NCOA1: variants seen among roughly 807,000 people sequenced by gnomAD.
NCOA1 encodes nuclear receptor coactivator 1.
NCOA1 carries 35 observed loss-of-function variants against 150.9 expected under a neutral mutation model. The observed-to-expected ratio is 0.23, with a 90% confidence interval of 0.18 to 0.31. NCOA1 has a LOEUF of 0.31. Ranked by LOEUF, NCOA1 falls within the 10% of genes least tolerant of loss-of-function variation. The pLI is 1.00. For synonymous variants in NCOA1, 590 were observed against 630.0 expected (o/e 0.94, Z 0.95); for missense variants, 1,491 against 1,749.3 (o/e 0.85, Z 2.63).
intron 1 of NCOA1, chr2:24,554,509 G>A (rs1665991048): frequency 1.3e-5 from 2 of 152,118 alleles, no homozygotes; most frequent in South Asian, 4.1e-4. Context: ...TAGGAAAGGA[G>A]GAAATTACGA....
chr2:24,700,002 G>T (rs560961463), intron 11 of NCOA1, among the ~76,000 whole-genome samples: 3 of 152,056 alleles, frequency 2.0e-5, no homozygotes, highest in African/African-American at 7.2e-5. Context: ...AAATTAGCGC[G>T]CATGGTGGCG....
intron 1 of NCOA1, among the ~76,000 whole-genome samples, chr2:24,505,508 A>G (rs998019860): frequency 1.3e-5 from 2 of 152,204 alleles, no homozygotes; most frequent in Admixed American, 6.5e-5. Flanking sequence ...TAAATAATGA[A>G]CCATATAAAA....
intron 1 of NCOA1, among the ~76,000 whole-genome samples, chr2:24,509,283 A>C (rs1040824466): frequency 6.6e-6 from 1 of 152,232 alleles, no homozygotes; most frequent in African/African-American, 2.4e-5. Context: ...TTGCTAAGAA[A>C]TAGTGAAACA....
intron 8 of NCOA1, among the ~76,000 whole-genome samples, chr2:24,686,815 A>G (rs947423435): frequency 6.6e-6 from 1 of 152,178 alleles, no homozygotes; most frequent in East Asian, 1.9e-4. Context: ...TGAGGGGCCT[A>G]TAAGTTTGGA....
rs750699123 is a variant in NCOA1 at position 24,707,651 on chromosome 2, A to C, written c.2181A>C (p.Gly727=). The C allele has an allele frequency of 6.2e-7, 1 of 1,614,252 alleles. No individual in the cohort carries two copies. The highest frequency in any genetic ancestry group is 8.5e-7 in the Non-Finnish European group (1 of 1,180,042). The change falls in exon 13 of 23, where the codon GGA becomes GGC. Residue 727 remains glycine, a synonymous_variant. Coordinates refer to ENST00000348332, the MANE Select transcript of NCOA1 (RefSeq NM_003743.5). ...TSVSVTGQVQ[G]NSSIKLELDA... The stretch of plus-strand genomic sequence containing the variant: ...TGTCAGTGACTGGACAGGTACAAGG[A>C]AACTCCAGTATAAAACTAGAACTGG...
chr2:24,669,043 A>G (rs1232786634), intron 6 of NCOA1, among the ~76,000 whole-genome samples: 1 of 152,214 alleles, frequency 6.6e-6, no homozygotes, highest in Non-Finnish European at 1.5e-5. Context: ...CTATACTGAA[A>G]GTAAGAGAGG....
Position 24,505,323 on chromosome 2 carries a change from G to T in NCOA1, c.-396+13721G>T, listed in dbSNP as rs578214909. 7.7e-4 allele frequency among the ~76,000 whole-genome samples: 117 copies of T among 152,038 alleles called. 1 individual carries two copies. Among genetic ancestry groups the T allele is most frequent in the African/African-American group, 2.7e-3 (111 of 41,492 alleles). ...TGCCTCAGCCTCCCAAGTAGTACAG[G>T]CATGTGCCACCATGCCTGGTTCATT... On this transcript the variant is annotated intron_variant, in intron 1 of 22. Coordinates refer to ENST00000348332, the MANE Select transcript of NCOA1 (RefSeq NM_003743.5).
chr2:24,594,420 A>G (rs891340035), intron 3 of NCOA1, among the ~76,000 whole-genome samples: 1 of 152,056 alleles, frequency 6.6e-6, no homozygotes, highest in Non-Finnish European at 1.5e-5. Context: ...ATTTTTCTCA[A>G]ATTCAGGATT....
At chr2:24,557,514 CTCTTCTTCCTCTTCT>C (rs1156469172) in intron 1 of NCOA1, among the ~76,000 whole-genome samples, 2 of 151,718 alleles carry the variant, frequency 1.3e-5, no homozygotes, top group South Asian at 2.1e-4. Flanking sequence ...GCTCCTCCTC[CTCTTCTTCCTCTTCT>C]TCTTCTTCCT....
At chr2:24,550,273 C>T (rs182343519) in intron 1 of NCOA1, among the ~76,000 whole-genome samples, 6 of 152,324 alleles carry the variant, frequency 3.9e-5, no homozygotes, top group Non-Finnish European at 5.9e-5. Flanking sequence ...GCAGCACCCC[C>T]GACTCCCAGA....
In NCOA1 at chr2:24,548,641, G is replaced by A. The variant is rs540020910; in HGVS notation, c.-395-15654G>A. Among the ~76,000 whole-genome samples, 3 of 152,298 alleles carry A rather than the reference G, an allele frequency of 2.0e-5. No homozygotes were observed. In the South Asian group the frequency reaches 6.2e-4, roughly 32 times the overall value. The stretch of plus-strand genomic sequence containing the variant: ...GCAAGTTAGATACTTGGGGGTACAG[G>A]CATTGGGTAAATACAGCCATTCCAA... On this transcript the variant is annotated intron_variant, in intron 1 of 22. Coordinates refer to ENST00000348332, the MANE Select transcript of NCOA1 (RefSeq NM_003743.5).
intron 1 of NCOA1, among the ~76,000 whole-genome samples, chr2:24,508,306 A>G (rs1202505444): frequency 2.0e-5 from 3 of 152,240 alleles, no homozygotes; most frequent in East Asian, 1.9e-4. Context: ...GTGAACCTAT[A>G]GTCTTAAGAA....
At chr2:24,504,581 A>G (rs772590305) in intron 1 of NCOA1, among the ~76,000 whole-genome samples, 1 of 152,210 alleles carries the variant, frequency 6.6e-6, no homozygotes, top group African/African-American at 2.4e-5. Context: ...CCTAAATGGA[A>G]TTTTTATTAT....
intron 3 of NCOA1, among the ~76,000 whole-genome samples, chr2:24,633,184 G>T (rs960568895): frequency 5.3e-5 from 8 of 151,880 alleles, no homozygotes; most frequent in African/African-American, 1.7e-4. Flanking sequence ...CCAGATATGT[G>T]CATGCAGAAA....
At chr2:24,627,856 A>G (rs1388544728) in intron 3 of NCOA1, among the ~76,000 whole-genome samples, 1 of 152,210 alleles carries the variant, frequency 6.6e-6, no homozygotes, top group Non-Finnish European at 1.5e-5. Flanking sequence ...CTTGTGGCAA[A>G]TACAGAGAGA....
At chr2:24,682,080 G>A (rs922833826) in intron 7 of NCOA1, among the ~76,000 whole-genome samples, 9 of 151,996 alleles carry the variant, frequency 5.9e-5, no homozygotes, top group African/African-American at 1.9e-4. Flanking sequence ...TTTTAATTTC[G>A]CCGTAGATAA....
At chr2:24,514,168 G>C (rs111938504) in intron 1 of NCOA1, among the ~76,000 whole-genome samples, 2 of 151,442 alleles carry the variant, frequency 1.3e-5, no homozygotes, top group African/African-American at 4.8e-5. Context: ...CACACCTGTA[G>C]TCCCAGCTAC....
intron 3 of NCOA1, among the ~76,000 whole-genome samples, chr2:24,643,420 G>T (rs1053871604): frequency 2.0e-5 from 3 of 152,038 alleles, no homozygotes; most frequent in Middle Eastern, 3.4e-3. Flanking sequence ...TTTATATTTT[G>T]TCCAGAGTTT....
chr2:24,572,528 T>C (rs1399261796), intron 2 of NCOA1, among the ~76,000 whole-genome samples: 2 of 152,196 alleles, frequency 1.3e-5, no homozygotes, highest in Non-Finnish European at 2.9e-5. Flanking sequence ...AAGAAAACTT[T>C]TGATTTCATT....
Sources: gnomAD v4.1 joint callset for allele counts (sites outside exome capture counted in the v4.1 genomes callset) on GRCh38, gnomAD v4.1.1 for gene constraint, MANE v1.5 for transcripts, NCBI Gene and HGNC (gene_info 2026-07-23, HGNC 2026-07-21) for gene names.